TNFSF4: variants seen among roughly 807,000 people sequenced by gnomAD.
The protein encoded by TNFSF4 is TNF superfamily member 4.
TNFSF4 carries 4 observed loss-of-function variants against 7.3 expected under a neutral mutation model. The observed-to-expected ratio is 0.55, with a 90% CI of 0.27 to 1.25. TNFSF4 has a LOEUF of 1.25. Ranked by LOEUF, TNFSF4 falls within the 50% of genes most tolerant of loss-of-function variation. The pLI, the probability that TNFSF4 is intolerant of heterozygous loss-of-function variation, is 0.12. For synonymous variants in TNFSF4, 76 were observed against 83.7 expected, an observed-to-expected ratio of 0.91 and a Z score of 0.50; for missense variants, 181 against 208.8, an observed-to-expected ratio of 0.87 and a Z score of 0.82.
chr1:173,212,068 C>G (rs1323784702), upstream of TNFSF4, among the ~76,000 whole-genome samples: 1 of 152,104 alleles, frequency 6.6e-6, no homozygotes, highest in Non-Finnish European at 1.5e-5. Context: ...TAAAAGAGAG[C>G]TAGAGTGTGG....
the TNFSF4 span, among the ~76,000 whole-genome samples, chr1:173,245,375 T>C: frequency 6.6e-6 from 1 of 152,222 alleles, no homozygotes; most frequent in Non-Finnish European, 1.5e-5. Flanking sequence ...CCAGGTTCCC[T>C]TGCTTTCGTC....
At chr1:173,247,469 C>T in the TNFSF4 span, among the ~76,000 whole-genome samples, 1 of 152,084 alleles carries the variant, frequency 6.6e-6, no homozygotes, top group Non-Finnish European at 1.5e-5. Context: ...ACTGGGCCTA[C>T]CCAAGATTCT....
the TNFSF4 span, among the ~76,000 whole-genome samples, chr1:173,236,214 G>A: frequency 6.6e-6 from 1 of 152,064 alleles, no homozygotes; most frequent in Admixed American, 6.6e-5. Context: ...CCTCATCTTA[G>A]CTTCAACACT....
At chr1:173,228,887 G>A in the TNFSF4 span, among the ~76,000 whole-genome samples, 1 of 152,118 alleles carries the variant, frequency 6.6e-6, no homozygotes, top group Non-Finnish European at 1.5e-5. Flanking sequence ...AGAAAAAAGA[G>A]TAAAAAGAAA....
At chr1:173,355,722 A>G in the TNFSF4 span, among the ~76,000 whole-genome samples, 1 of 152,214 alleles carries the variant, frequency 6.6e-6, no homozygotes, top group Admixed American at 6.5e-5. Context: ...CTCATTTTAT[A>G]CCCCAGTGAA....
At chr1:173,440,162 C>T in the TNFSF4 span, among the ~76,000 whole-genome samples, 1 of 152,184 alleles carries the variant, frequency 6.6e-6, no homozygotes, top group Admixed American at 6.5e-5. Context: ...GACCTTCTTC[C>T]GTTGCATGGA....
chr1:173,360,938 A>C, the TNFSF4 span, among the ~76,000 whole-genome samples: 1 of 152,336 alleles, frequency 6.6e-6, no homozygotes, highest in Non-Finnish European at 1.5e-5. Context: ...AGATGCCTGA[A>C]CAGCCCTATG....
At chr1:173,223,945 G>C in the TNFSF4 span, among the ~76,000 whole-genome samples, 2 of 152,166 alleles carry the variant, frequency 1.3e-5, no homozygotes, top group African/African-American at 4.8e-5. Flanking sequence ...CACCCGGGGG[G>C]TTGCCTAGGG....
the TNFSF4 span, among the ~76,000 whole-genome samples, chr1:173,230,367 T>C: frequency 4.6e-5 from 7 of 152,344 alleles, no homozygotes; most frequent in Middle Eastern, 3.4e-3. Context: ...AATAAAGATG[T>C]TCTTTGAAAC....
the TNFSF4 span, among the ~76,000 whole-genome samples, chr1:173,365,144 T>G: frequency 6.7e-6 from 1 of 149,970 alleles, no homozygotes; most frequent in East Asian, 1.9e-4. Context: ...AGAAGTCACT[T>G]GGAAAAAAGA....
the TNFSF4 span, among the ~76,000 whole-genome samples, chr1:173,216,634 AG>A: frequency 6.6e-6 from 1 of 152,000 alleles, no homozygotes; most frequent in Admixed American, 6.6e-5. Flanking sequence ...CTCTTTTTGG[AG>A]GTAGTATTCC....
the TNFSF4 span, among the ~76,000 whole-genome samples, chr1:173,355,436 C>T: frequency 1.5e-3 from 231 of 152,294 alleles, 2 homozygotes; most frequent in South Asian, 0.023. Flanking sequence ...AGAAGACGTA[C>T]AACAATAACA....
the TNFSF4 span, among the ~76,000 whole-genome samples, chr1:173,438,698 C>A: frequency 6.6e-6 from 1 of 152,246 alleles, no homozygotes; most frequent in South Asian, 2.1e-4. Flanking sequence ...ATTCAAAGAT[C>A]ATGTAATATT....
chr1:173,284,581 C>T, the TNFSF4 span, among the ~76,000 whole-genome samples: 84 of 152,296 alleles, frequency 5.5e-4, no homozygotes, highest in Admixed American at 2.1e-3. Context: ...GGCTTCAAAG[C>T]TTCCAAAGAT....
the TNFSF4 span, among the ~76,000 whole-genome samples, chr1:173,406,747 T>A: frequency 1.3e-5 from 2 of 152,200 alleles, no homozygotes; most frequent in African/African-American, 2.4e-5. Flanking sequence ...AGTCTCTGTC[T>A]TCCTGCCTCC....
At chr1:173,246,928 A>T in the TNFSF4 span, among the ~76,000 whole-genome samples, 3 of 152,196 alleles carry the variant, frequency 2.0e-5, no homozygotes, top group Middle Eastern at 3.2e-3. Flanking sequence ...ACTTGGCAGT[A>T]TCTCTACTTT....
At chr1:173,203,906 T>C (rs576445236) in intron 1 of TNFSF4, among the ~76,000 whole-genome samples, 2 of 152,292 alleles carry the variant, frequency 1.3e-5, no homozygotes, top group African/African-American at 4.8e-5. Flanking sequence ...GCCTGACAAT[T>C]TAAGTGGATG....
intron 2 of TNFSF4, among the ~76,000 whole-genome samples, chr1:173,187,391 C>A (rs1054164662): frequency 1.3e-5 from 2 of 152,240 alleles, no homozygotes; most frequent in Non-Finnish European, 2.9e-5. Flanking sequence ...TACTCTGAAG[C>A]TTGACTTAAA....
the TNFSF4 span, among the ~76,000 whole-genome samples, chr1:173,327,641 T>A: frequency 1.3e-5 from 2 of 151,556 alleles, no homozygotes; most frequent in African/African-American, 4.8e-5. Flanking sequence ...TACAATGAAC[T>A]CAAACAAATT....
Sources: gnomAD v4.1 joint callset for allele counts (sites outside exome capture counted in the v4.1 genomes callset) on GRCh38, gnomAD v4.1.1 for gene constraint, MANE v1.5 for transcripts, NCBI Gene and HGNC (gene_info 2026-07-23, HGNC 2026-07-21) for gene names.